ZNF426: variants seen among roughly 807,000 people sequenced by gnomAD.
ZNF426 encodes CTC-543D15.7.
Under a neutral mutation model 24.0 loss-of-function variants are expected in ZNF426, and 23 were observed. That is an observed-to-expected ratio of 0.96 (90% CI 0.69 to 1.36). ZNF426 has a LOEUF of 1.36. Among genes scored for constraint, ZNF426 ranks in the 40% most tolerant of loss-of-function variants. The pLI is 0.00. For missense variants in ZNF426, 646 were observed against 658.4 expected (o/e 0.98, Z 0.21); for synonymous variants, 272 against 224.6 (o/e 1.21, Z -1.89).
rs909664695 is a variant in ZNF426, at chr19:9,529,395, G to A, written c.650C>T (p.Thr217Ile). The A allele has an allele frequency of 5.0e-6, 8 of 1,613,890 alleles. No homozygotes were observed. The highest frequency in any genetic ancestry group is 6.8e-6 in the Non-Finnish European group (8 of 1,180,006). Residue 217 changes from threonine to isoleucine, a missense_variant, in exon 8 of 8, where the codon ACT becomes ATT. Thr to Ile is a moderately conservative substitution (Grantham distance 89). Transcript: ENST00000253115. ...SLTPNIVYQR[T>I]STQEKSFECS... is the part of the protein sequence containing the mutation. ...TTCAAATGACTTTTCTTGTGTGCTA[G>A]TTCTCTGGTATACAATATTTGGTGT...
At chr19:9,535,904 C>T (rs900944406) in intron 3 of ZNF426, among the ~76,000 whole-genome samples, 6 of 151,920 alleles carry the variant, frequency 3.9e-5, no homozygotes, top group African/African-American at 1.4e-4. Context: ...CCAGAGCAGT[C>T]CTAAACGTGA....
At chr19:9,531,141 T>C (rs2073877877) in intron 6 of ZNF426, 74 bp from the exon 7 acceptor site, 2 of 1,264,142 alleles carry the variant, frequency 1.6e-6, no homozygotes, top group African/African-American at 1.5e-5. Flanking sequence ...TCCCAGCACT[T>C]TGGGAGGCTA....
At position 9,529,221 on chromosome 19, in the gene ZNF426, T is replaced by C. The variant is rs750027307; in HGVS notation, c.824A>G (p.Asn275Ser). 2.5e-6 allele frequency: 4 copies of C among 1,614,092 alleles called. No individual in the cohort carries two copies. The highest frequency in any genetic ancestry group is 3.4e-6 in the Non-Finnish European group (4 of 1,180,004). The stretch of plus-strand genomic sequence containing the variant: ...CTTACATTTGTAGGGCTTTTTTGCA[T>C]TGAGGGTTTCTATAAGCACAGAAAG... ...TSLSVLIETL[N>S]AKKPYKCKEC... The change falls in exon 8 of 8, where the codon AAT becomes AGT. Residue 275 changes from asparagine (N) to serine (S), a missense_variant. Asn to Ser is a conservative substitution (Grantham distance 46, BLOSUM62 1). Transcript: ENST00000253115.
chr19:9,533,956 G>A lies in ZNF426; in HGVS notation c.128C>T (p.Thr43Ile), dbSNP rs1199320163. 7.4e-6 allele frequency: 12 copies of A among 1,613,358 alleles called. No individual in the cohort carries two copies. Among genetic ancestry groups the A allele is most frequent in the Non-Finnish European group, 7.6e-6 (9 of 1,179,768 alleles). The change falls in exon 5 of 8, where the codon ACC becomes ATC. Residue 43 changes from threonine (T) to isoleucine (I), a missense_variant. Thr to Ile is a moderately conservative substitution (Grantham distance 89, BLOSUM62 -1). Transcript: ENST00000253115. The stretch of plus-strand genomic sequence containing the variant: ...GAAGTCCACAGCCACATCGTCAAAG[G>A]TCACTGAATCCTAAAGCATCACACA... ...CLTDCYQDSV[T>I]FDDVAVDFTQ...
intron 7 of ZNF426, 56 bp downstream of exon 7, chr19:9,530,929 G>A (rs1287195913): frequency 4.2e-6 from 6 of 1,437,594 alleles, no homozygotes; most frequent in Non-Finnish European, 5.9e-6. Context: ...TCCCATAACA[G>A]AATTCCTGAT....
chr19:9,528,975 G>C lies in ZNF426; in HGVS notation c.1070C>G (p.Ser357Cys), dbSNP rs1248802825. The C allele has an allele frequency of 6.2e-7, 1 of 1,613,874 alleles. No homozygotes were observed. The highest frequency in any genetic ancestry group is 1.7e-5 in the Admixed American group (1 of 59,996). The change falls in exon 8 of 8, where the codon TCT (serine) becomes TGT (cysteine). Residue 357 changes from serine (S) to cysteine (C), a missense_variant. Transcript: ENST00000253115. ...QYSGLSMHVR[S>C]HSGDKPYECK... ...TTCATAGGGCTTGTCTCCACTGTGA[G>C]ATCGTACATGCATACTAAGGCCCGA...
Position 9,524,370 on chromosome 19 carries a change from T to G in ZNF426, c.*4010A>C, listed in dbSNP as rs2073770683. ...CAACTCTCACAGCATTTTTCTACAATGTGACTGTTCACATCTTTCATGTAA... is the reference window on the plus strand; with the variant it reads ...CAACTCTCACAGCATTTTTCTACAAGGTGACTGTTCACATCTTTCATGTAA... On this transcript the variant is annotated 3_prime_UTR_variant, in exon 8 of 8. Transcript: ENST00000253115. 2 of 152,198 alleles carry G rather than the reference T, an allele frequency of 1.3e-5. No individual in the cohort carries two copies. The highest frequency in any genetic ancestry group is 6.5e-5 in the Admixed American group (1 of 15,284). The allele number at this position is 152,198 out of a possible 1,614,324, so 9.4% of individuals were successfully genotyped here. A position where few individuals can be genotyped will look rare whatever the true frequency, so the allele number is the denominator to read the frequency against.
At position 9,524,709 on chromosome 19, in the gene ZNF426, T is replaced by C. The variant is rs983343111; in HGVS notation, c.*3671A>G. 8 of 133,270 alleles carry C rather than the reference T, an allele frequency of 6.0e-5. No individual in the cohort carries two copies. Among genetic ancestry groups the C allele is most frequent in the African/African-American group, 2.2e-4 (8 of 35,690 alleles). The allele number at this position is 133,270 out of a possible 1,614,324, so 8.3% of individuals were successfully genotyped here. A position where few individuals can be genotyped will look rare whatever the true frequency, so the allele number is the denominator to read the frequency against. On this transcript the variant is annotated 3_prime_UTR_variant, in exon 8 of 8. Coordinates refer to ENST00000253115, the MANE Select transcript of ZNF426 (RefSeq NM_024106.3). ...GGCAGAATAATCACTTGAACCTGGG[T>C]GATAGAGGTTGTAGTGAGCCAAGAT...
Position 9,529,151 on chromosome 19 carries a change from G to A in ZNF426, c.894C>T (p.His298=), listed in dbSNP as rs768516074. The part of the protein sequence containing the change: ...GYRYPAYLSI[H]MRTHTGEKPY... ...GTTTCTCCCCAGTGTGGGTTCGCAT[G>A]TGAATACTGAGGTAGGCTGGGTATC... Residue 298 remains histidine, a synonymous_variant, in exon 8 of 8, where the codon CAC becomes CAT. Transcript: ENST00000253115. The A allele has an allele frequency of 6.8e-6, 11 of 1,614,206 alleles. No individual in the cohort carries two copies. The South Asian group carries it at 9.9e-5, about 15-fold the overall frequency.
chr19:9,528,887 G>GT lies in ZNF426; in HGVS notation c.1157dup (p.His386GlnfsTer11). 6.2e-7 allele frequency: 1 copy of GT among 1,614,184 alleles called. No individual in the cohort carries two copies. On this transcript the variant is annotated frameshift_variant, in exon 8 of 8. Coordinates refer to ENST00000253115, the MANE Select transcript of ZNF426 (RefSeq NM_024106.3). LOFTEE classifies it low-confidence loss of function (END_TRUNC). ...CACATACAAAAGGCTTCTCTCCAGT[G>GT]TGAGTTCTTATATGTTGAATAAGGC...
chr19:9,533,718 A>G, intron 5 of ZNF426, 122 bp downstream of exon 5: 8 of 1,371,060 alleles, frequency 5.8e-6, no homozygotes, highest in Non-Finnish European at 8.1e-6. Flanking sequence ...TCTATTTAGG[A>G]CAGGGACTAT....
At position 9,528,788 on chromosome 19, in the gene ZNF426, G is replaced by C; in HGVS notation, c.1257C>G (p.Ala419=). 6.2e-7 allele frequency: 1 copy of C among 1,614,110 alleles called. No individual in the cohort carries two copies. The highest frequency in any genetic ancestry group is 8.5e-7 in the Non-Finnish European group (1 of 1,180,018). The change falls in exon 8 of 8, where the codon GCC becomes GCG. Residue 419 remains alanine, a synonymous_variant. Transcript: ENST00000253115. ...GHLRTHTEEK[A]CECKICGKVF... ...CTTTCCCACATATCTTACACTCACA[G>C]GCCTTCTCTTCAGTGTGAGTTCTCA...
At chr19:9,537,223 G>A (rs2073980113) in intron 2 of ZNF426, among the ~76,000 whole-genome samples, 1 of 151,976 alleles carries the variant, frequency 6.6e-6, no homozygotes. Context: ...GGAGTCAAAT[G>A]ATGATAAACA....
chr19:9,533,091 T>C (rs376211873), intron 5 of ZNF426, among the ~76,000 whole-genome samples, 166 bp from the exon 6 acceptor site: 1 of 152,312 alleles, frequency 6.6e-6, no homozygotes, highest in South Asian at 2.1e-4. Context: ...GTTACTTCTG[T>C]CCCCTAAACC....
rs2073802349 is a variant in ZNF426 at position 9,527,158 on chromosome 19, A to C, written c.*1222T>G. The C allele has an allele frequency of 6.6e-6, 1 of 152,190 alleles. No homozygotes were observed. Among genetic ancestry groups the C allele is most frequent in the African/African-American group, 2.4e-5 (1 of 41,442 alleles). The allele number at this position is 152,190 out of a possible 1,614,324, so 9.4% of individuals were successfully genotyped here. A position where few individuals can be genotyped will look rare whatever the true frequency, so the allele number is the denominator to read the frequency against. On this transcript the variant is annotated 3_prime_UTR_variant, in exon 8 of 8. Coordinates refer to ENST00000253115, the MANE Select transcript of ZNF426 (RefSeq NM_024106.3). ...ATGTACTTATTATGGCATGTGAAAT[A>C]TTTAAAGGTTATACCATATTCCTTA...
intron 2 of ZNF426, among the ~76,000 whole-genome samples, chr19:9,536,777 A>G (rs1477753537): frequency 6.6e-6 from 1 of 152,140 alleles, no homozygotes; most frequent in Non-Finnish European, 1.5e-5. Context: ...GGTCTGTTTT[A>G]TGGGTCTTCA....
In ZNF426 at chr19:9,525,729, C is replaced by T. The variant is rs1256069874; in HGVS notation, c.*2651G>A. On this transcript the variant is annotated 3_prime_UTR_variant, in exon 8 of 8. Coordinates refer to ENST00000253115, the MANE Select transcript of ZNF426 (RefSeq NM_024106.3). ...GTCTCGATCTCCTGACCTCATGATC[C>T]ACCCACCTCTGCCTCCCAAAGTGCT... is the stretch of plus-strand genomic sequence containing the variant. 2 of 152,086 alleles carry T rather than the reference C, an allele frequency of 1.3e-5. No homozygotes were observed. Among genetic ancestry groups the T allele is most frequent in the Admixed American group, 1.3e-4 (2 of 15,256 alleles). 9.4% of individuals were successfully genotyped at this position (152,086 alleles called of 1,614,324 possible).
At position 9,523,448 on chromosome 19, in the gene ZNF426, A is replaced by G. The variant is rs1365447673; in HGVS notation, c.*4932T>C. On this transcript the variant is annotated 3_prime_UTR_variant, in exon 8 of 8. Coordinates refer to ENST00000253115, the MANE Select transcript of ZNF426 (RefSeq NM_024106.3). ...TCTTATAAGGAAACCAGTCATATTG[A>G]ATGAGGGCCCCATTCTAACTGCCTC... 6.6e-6 allele frequency: 1 copy of G among 152,178 alleles called. No individual in the cohort carries two copies. Among genetic ancestry groups the G allele is most frequent in the Non-Finnish European group, 1.5e-5 (1 of 68,032 alleles). 9.4% of individuals were successfully genotyped at this position (152,178 alleles called of 1,614,324 possible).
At chr19:9,534,077 G>T in intron 4 of ZNF426, 111 bp from the exon 5 acceptor site, 1 of 1,453,406 alleles carries the variant, frequency 6.9e-7, no homozygotes, top group South Asian at 1.4e-5. Context: ...GGGCTGCAGT[G>T]ACCAGCCCCA....
Sources: gnomAD v4.1 joint callset for allele counts (sites outside exome capture counted in the v4.1 genomes callset) on GRCh38, gnomAD v4.1.1 for gene constraint, MANE v1.5 for transcripts, NCBI Gene and HGNC (gene_info 2026-07-23, HGNC 2026-07-21) for gene names.